TCF12: variants seen among roughly 807,000 people sequenced by gnomAD.
TCF12 encodes the protein DNA-binding protein HTF4.
A neutral mutation model predicts 86.0 loss-of-function variants in TCF12; 45 were observed. The observed-to-expected ratio is 0.52, with a 90% CI of 0.41 to 0.67. The LOEUF (loss-of-function observed/expected upper bound fraction) is 0.67. Among genes scored for constraint, TCF12 ranks in the 30% least tolerant of loss-of-function variants. TCF12 has a pLI of 0.00. For missense variants in TCF12, 881 were observed against 859.9 expected (o/e 1.02, Z -0.31); for synonymous variants, 330 against 299.6 (o/e 1.10, Z -1.05).
intron 8 of TCF12, among the ~76,000 whole-genome samples, 190 bp from the exon 9 acceptor site, chr15:57,230,962 A>G (rs1185425853): frequency 2.6e-5 from 4 of 151,772 alleles, no homozygotes; most frequent in African/African-American, 9.7e-5. Context: ...CTTAAAAAAA[A>G]AAAACATGTG....
intron 4 of TCF12, among the ~76,000 whole-genome samples, chr15:57,086,473 T>G (rs1263465083): frequency 6.6e-6 from 1 of 151,720 alleles, no homozygotes; most frequent in African/African-American, 2.4e-5. Flanking sequence ...CTCCAAAAAT[T>G]TCATGTTTAT....
chr15:57,149,147 G>A (rs1486276381), intron 5 of TCF12, among the ~76,000 whole-genome samples: 4 of 152,238 alleles, frequency 2.6e-5, no homozygotes, highest in African/African-American at 4.8e-5. Flanking sequence ...TAAATATGAC[G>A]TAGCTTGCAT....
At chr15:57,006,015 T>A (rs911572715) in intron 3 of TCF12, among the ~76,000 whole-genome samples, 4 of 152,232 alleles carry the variant, frequency 2.6e-5, no homozygotes, top group African/African-American at 9.6e-5. Flanking sequence ...TATATTGCTA[T>A]TACTTTTATT....
rs529980099 is a variant in TCF12, at chr15:57,233,092, A to C, written c.970+236A>C. Among the ~76,000 whole-genome samples the C allele has an allele frequency of 8.6e-4, 129 of 149,156 alleles. 1 individual carries two copies. Among genetic ancestry groups the C allele is most frequent in the African/African-American group, 3.1e-3 (127 of 40,858 alleles). On this transcript the variant is annotated intron_variant, in intron 11 of 20. Coordinates refer to ENST00000333725, the MANE Select transcript of TCF12 (RefSeq NM_207037.2). Reference sequence around the variant, plus strand: ...ATATGTGTGTTTTTTATATATGTATATATAGGTATATATGTATATATGTTT... The same window carrying C: ...ATATGTGTGTTTTTTATATATGTATCTATAGGTATATATGTATATATGTTT...
intron 3 of TCF12, among the ~76,000 whole-genome samples, chr15:57,029,022 C>T (rs1366639966): frequency 6.6e-6 from 1 of 152,162 alleles, no homozygotes; most frequent in Non-Finnish European, 1.5e-5. Context: ...TGGTCTTGAA[C>T]TCCTGGCCTC....
chr15:56,978,492 C>T (rs1037676770), intron 3 of TCF12, among the ~76,000 whole-genome samples: 10 of 151,990 alleles, frequency 6.6e-5, no homozygotes, highest in Non-Finnish European at 1.3e-4. Flanking sequence ...CCAGACAAAA[C>T]AATACATTTT....
chr15:57,097,268 G>C (rs1200037544), intron 5 of TCF12, among the ~76,000 whole-genome samples: 2 of 152,004 alleles, frequency 1.3e-5, no homozygotes, highest in African/African-American at 4.8e-5. Context: ...GGCTTAGTGG[G>C]GTGGCTCACA....
intron 3 of TCF12, among the ~76,000 whole-genome samples, chr15:56,946,367 A>G (rs117466905): frequency 0.04 from 6,161 of 152,248 alleles, 374 homozygotes; most frequent in Admixed American, 0.17. Flanking sequence ...TGCAGTGTCT[A>G]ACCTGTTTAT....
At chr15:57,158,229 C>T (rs2054260911) in intron 5 of TCF12, among the ~76,000 whole-genome samples, 1 of 133,446 alleles carries the variant, frequency 7.5e-6, no homozygotes, top group African/African-American at 2.6e-5. Context: ...CACTCTGTTG[C>T]TTAGGCTGGA....
intron 5 of TCF12, among the ~76,000 whole-genome samples, chr15:57,112,052 A>G (rs12101455): frequency 0.24 from 36,478 of 152,008 alleles, 5,057 homozygotes; most frequent in East Asian, 0.4. Context: ...AGTGTAGTTT[A>G]TATTTTCCAT....
intron 3 of TCF12, among the ~76,000 whole-genome samples, chr15:57,010,316 G>A (rs1387419710): frequency 6.6e-6 from 1 of 151,984 alleles, no homozygotes; most frequent in Non-Finnish European, 1.5e-5. Flanking sequence ...GGGAGGCCAC[G>A]GCAAGAGGAT....
At chr15:56,979,552 T>G (rs1284895865) in intron 3 of TCF12, among the ~76,000 whole-genome samples, 1 of 152,180 alleles carries the variant, frequency 6.6e-6, no homozygotes, top group East Asian at 1.9e-4. Context: ...TTTGAAAGTG[T>G]TTTTAGGAAG....
intron 3 of TCF12, among the ~76,000 whole-genome samples, chr15:56,929,305 CA>C (rs765990908): frequency 7.9e-5 from 12 of 152,166 alleles, no homozygotes; most frequent in Non-Finnish European, 1.3e-4. Context: ...ATCATTACAT[CA>C]GGGGGAAAAA....
At chr15:56,946,798 CTTT>C (rs71113039) in intron 3 of TCF12, among the ~76,000 whole-genome samples, 2 of 113,534 alleles carry the variant, frequency 1.8e-5, no homozygotes. Flanking sequence ...TCTAAAGTAC[CTTT>C]TTTTTTTTTT....
At chr15:57,007,784 T>TTCTCTCTC (rs1205588558) in intron 3 of TCF12, among the ~76,000 whole-genome samples, 1 of 60,098 alleles carries the variant, frequency 1.7e-5, no homozygotes, top group African/African-American at 5.6e-5. Context: ...CTTTCTTTCT[T>TTCTCTCTC]TCTTTCTCTC....
At chr15:57,070,697 G>T (rs2069296638) in intron 4 of TCF12, among the ~76,000 whole-genome samples, 1 of 152,120 alleles carries the variant, frequency 6.6e-6, no homozygotes, top group African/African-American at 2.4e-5. Flanking sequence ...GAAGAGTTTG[G>T]CTAAGAACCT....
chr15:57,256,620 G>T (rs34275518), intron 16 of TCF12, among the ~76,000 whole-genome samples: 149,176 of 149,564 alleles, frequency 1, 74,399 homozygotes, highest in East Asian at 1. Flanking sequence ...GATTTTTTCC[G>T]GAATTAACAT....
At chr15:56,935,957 G>T (rs554040913) in intron 3 of TCF12, among the ~76,000 whole-genome samples, 4 of 152,156 alleles carry the variant, frequency 2.6e-5, no homozygotes, top group African/African-American at 9.7e-5. Flanking sequence ...ATAAACGTGT[G>T]TGCAAGTATT....
At chr15:57,258,372 C>T (rs1004035796) in intron 16 of TCF12, among the ~76,000 whole-genome samples, 7 of 152,156 alleles carry the variant, frequency 4.6e-5, no homozygotes, top group African/African-American at 9.7e-5. Context: ...GATTTATGGC[C>T]GTAATACCTA....
Sources: allele counts gnomAD v4.1 joint callset (sites outside exome capture counted in the v4.1 genomes callset), GRCh38; gene constraint gnomAD v4.1.1; transcripts MANE v1.5; gene names NCBI Gene and HGNC (gene_info 2026-07-23, HGNC 2026-07-21).